ZNF423: variants seen among roughly 807,000 people sequenced by gnomAD.
ZNF423 encodes the protein Ebf-associated zinc finger protein.
In ZNF423, 12 loss-of-function variants were observed where a neutral mutation model predicts 95.8. That is an observed-to-expected ratio of 0.13 (90% confidence interval 0.08 to 0.20). ZNF423 has a LOEUF of 0.20. ZNF423 is among the 10% of genes least tolerant of loss of function. ZNF423 has a pLI of 1.00. For synonymous variants in ZNF423, 749 were observed against 711.9 expected (o/e 1.05, Z -0.83); for missense variants, 1,316 against 1,737.1 (o/e 0.76, Z 4.31).
chr16:49,565,179 C>T (rs1232256427), intron 5 of ZNF423, among the ~76,000 whole-genome samples: 2 of 152,290 alleles, frequency 1.3e-5, no homozygotes, highest in Middle Eastern at 6.8e-3. Context: ...TGTCTGCATA[C>T]GGGCGAACCA....
At chr16:49,731,669 T>G (rs1414373205) in intron 2 of ZNF423, among the ~76,000 whole-genome samples, 2 of 152,056 alleles carry the variant, frequency 1.3e-5, no homozygotes, top group Non-Finnish European at 2.9e-5. Context: ...AAAATTTTTT[T>G]TTAATTAGCC....
Position 49,824,648 on chromosome 16 carries a change from A to C in ZNF423, c.40+31087T>G, listed in dbSNP as rs577835521. Among the ~76,000 whole-genome samples the C allele has an allele frequency of 2.0e-5, 3 of 152,090 alleles. No homozygotes were observed. In the South Asian group the frequency reaches 6.2e-4, roughly 32 times the overall value. ...GGGCACCACCAGAGCTCCAAGATAAACTTGGGCGAGTCACTTCCCATCTCC... is the reference window on the plus strand; with the variant it reads ...GGGCACCACCAGAGCTCCAAGATAACCTTGGGCGAGTCACTTCCCATCTCC... On this transcript the variant is annotated intron_variant, in intron 1 of 7. Transcript: ENST00000563137.
intron 3 of ZNF423, among the ~76,000 whole-genome samples, chr16:49,649,064 T>C (rs1157292484): frequency 6.6e-6 from 1 of 151,438 alleles, no homozygotes; most frequent in Non-Finnish European, 1.5e-5. Context: ...ACAGAGAGAG[T>C]ACAGGATGAA....
At chr16:49,500,409 T>C (rs1488509991) in intron 7 of ZNF423, among the ~76,000 whole-genome samples, 4 of 152,126 alleles carry the variant, frequency 2.6e-5, no homozygotes, top group African/African-American at 9.7e-5. Flanking sequence ...GCAAACTCCA[T>C]TCTAACCACA....
At chr16:49,838,583 C>T (rs2144083985) in intron 1 of ZNF423, among the ~76,000 whole-genome samples, 1 of 152,252 alleles carries the variant, frequency 6.6e-6, no homozygotes, top group Admixed American at 6.5e-5. Flanking sequence ...TCCCGAGGCG[C>T]ACATCTGGCT....
chr16:49,853,715 G>T, intron 1 of ZNF423: 1 of 985,338 alleles, frequency 1.0e-6, no homozygotes, highest in Non-Finnish European at 1.2e-6. Flanking sequence ...AAAGGCTGAA[G>T]ACCAATTCTT....
At chr16:49,772,378 C>T (rs949573518) in intron 2 of ZNF423, among the ~76,000 whole-genome samples, 2 of 152,200 alleles carry the variant, frequency 1.3e-5, no homozygotes, top group South Asian at 2.1e-4. Flanking sequence ...CATCTCTTCC[C>T]GAAATACCTG....
chr16:49,633,736 G>A (rs1039262685), intron 4 of ZNF423, among the ~76,000 whole-genome samples: 1 of 152,122 alleles, frequency 6.6e-6, no homozygotes, highest in Non-Finnish European at 1.5e-5. Flanking sequence ...CTCAGCCCCT[G>A]GAGGGGGTCC....
At chr16:49,678,012 G>A (rs1180426823) in intron 3 of ZNF423, among the ~76,000 whole-genome samples, 3 of 151,978 alleles carry the variant, frequency 2.0e-5, no homozygotes, top group Admixed American at 6.6e-5. Context: ...GTGAAACCCT[G>A]TCTCTACTAA....
At position 49,570,326 on chromosome 16, in the gene ZNF423, G is replaced by A. The variant is rs997329182; in HGVS notation, c.3602-44832C>T. Among the ~76,000 whole-genome samples the A allele has an allele frequency of 5.3e-5, 8 of 152,134 alleles. 1 individual carries two copies. Among genetic ancestry groups the A allele is most frequent in the Admixed American group, 3.9e-4 (6 of 15,286 alleles). On this transcript the variant is annotated intron_variant, in intron 5 of 7. Transcript: ENST00000563137. ...CTCTCATGGCAACCATGTGAGATGG[G>A]TGTTACCATCCCCATTTTACAGATA...
At chr16:49,659,784 T>C (rs966490603) in intron 3 of ZNF423, among the ~76,000 whole-genome samples, 2 of 152,176 alleles carry the variant, frequency 1.3e-5, no homozygotes, top group Non-Finnish European at 2.9e-5. Context: ...GAAGGGGAGA[T>C]GCCACCCCCA....
At position 49,642,656 on chromosome 16, in the gene ZNF423, G is replaced by T. The variant is rs140092156; in HGVS notation, c.302-3782C>A. On this transcript the variant is annotated intron_variant, in intron 3 of 7. Transcript: ENST00000563137. The stretch of plus-strand genomic sequence containing the variant: ...TTTTATTCAAAGAACATTCAACCTC[G>T]CCTGCTGCCATCCCACCCCCTCCAA... Among the ~76,000 whole-genome samples, 9 of 152,148 alleles carry T rather than the reference G, an allele frequency of 5.9e-5. No individual in the cohort carries two copies. The East Asian group carries it at 1.5e-3, about 26-fold the overall frequency.
At chr16:49,506,096 AAAGT>A (rs1459607386) in intron 7 of ZNF423, among the ~76,000 whole-genome samples, 1 of 152,206 alleles carries the variant, frequency 6.6e-6, no homozygotes, top group Admixed American at 6.5e-5. Context: ...GCACAGTTTT[AAAGT>A]AAGGAGAGGG....
chr16:49,777,574 T>C (rs79506997), intron 2 of ZNF423, among the ~76,000 whole-genome samples: 181 of 152,328 alleles, frequency 1.2e-3, no homozygotes, highest in African/African-American at 3.7e-3. Flanking sequence ...TAGTGGTGTG[T>C]CGCTGCAATG....
chr16:49,514,261 CAT>C (rs10597629), intron 7 of ZNF423, among the ~76,000 whole-genome samples: 29,648 of 151,026 alleles, frequency 0.2, 2,960 homozygotes, highest in African/African-American at 0.26. Flanking sequence ...CACACACACA[CAT>C]GCACATACAC....
chr16:49,496,937 C>G (rs1216669891), intron 7 of ZNF423, among the ~76,000 whole-genome samples: 2 of 152,324 alleles, frequency 1.3e-5, no homozygotes, highest in South Asian at 2.1e-4. Flanking sequence ...GTACCCCTCC[C>G]CCTTCCCCTC....
intron 2 of ZNF423, among the ~76,000 whole-genome samples, chr16:49,785,811 T>G (rs1365464251): frequency 6.6e-6 from 1 of 152,200 alleles, no homozygotes; most frequent in Non-Finnish European, 1.5e-5. Flanking sequence ...GTTTTCCCAT[T>G]TGCAAAGGAC....
chr16:49,522,966 G>A (rs1253189997), intron 7 of ZNF423, among the ~76,000 whole-genome samples: 1 of 152,196 alleles, frequency 6.6e-6, no homozygotes, highest in Non-Finnish European at 1.5e-5. Flanking sequence ...AGTAACAGGT[G>A]AAATGGGGCC....
At chr16:49,525,287 C>A in intron 6 of ZNF423, 76 bp downstream of exon 6, 2 of 1,580,262 alleles carry the variant, frequency 1.3e-6, no homozygotes, top group South Asian at 1.2e-5. Flanking sequence ...AGAGCACACA[C>A]TGGGATCCCG....
Sources: gnomAD v4.1 joint callset for allele counts (sites outside exome capture counted in the v4.1 genomes callset) on GRCh38, gnomAD v4.1.1 for gene constraint, MANE v1.5 for transcripts, NCBI Gene and HGNC (gene_info 2026-07-23, HGNC 2026-07-21) for gene names.